NRXN1: variants seen among roughly 807,000 people sequenced by gnomAD.
NRXN1 encodes neurexin-1.
NRXN1 carries 39 observed loss-of-function variants against 150.9 expected under a neutral mutation model. The observed-to-expected ratio is 0.26, with a 90% CI of 0.20 to 0.34. The LOEUF is 0.34. NRXN1 is among the 10% of genes least tolerant of loss of function. The probability of loss-of-function intolerance (pLI) is 1.00; values close to 1 mark genes in which losing one functional copy is unlikely to be tolerated. For synonymous variants in NRXN1, 924 were observed against 757.0 expected (o/e 1.22, Z -3.62); for missense variants, 1,815 against 1,949.9 (o/e 0.93, Z 1.30).
intron 17 of NRXN1, among the ~76,000 whole-genome samples, chr2:50,322,813 A>C (rs528082592): frequency 6.6e-6 from 1 of 152,352 alleles, no homozygotes; most frequent in Admixed American, 6.5e-5. Context: ...AGTCCTAAAC[A>C]CAGTCTATTC....
intron 5 of NRXN1, among the ~76,000 whole-genome samples, chr2:50,630,539 T>A (rs994421142): frequency 1.3e-5 from 2 of 151,622 alleles, no homozygotes; most frequent in African/African-American, 4.8e-5. Context: ...CCGTACATCT[T>A]AAAGACAAGG....
At chr2:49,952,979 C>T (rs1006183898) in intron 21 of NRXN1, among the ~76,000 whole-genome samples, 1 of 152,084 alleles carries the variant, frequency 6.6e-6, no homozygotes, top group African/African-American at 2.4e-5. Context: ...GTCTTATTGA[C>T]ACAATGACCT....
chr2:50,153,521 T>G (rs1277362278), intron 18 of NRXN1, among the ~76,000 whole-genome samples: 1 of 151,760 alleles, frequency 6.6e-6, no homozygotes, highest in Non-Finnish European at 1.5e-5. Context: ...TTTGGGTTCT[T>G]CTGATTGTTG....
intron 21 of NRXN1, 146 bp from the exon 22 acceptor site, chr2:49,943,937 T>C: frequency 1.4e-6 from 1 of 703,874 alleles, no homozygotes; most frequent in East Asian, 2.7e-5. Flanking sequence ...GCTTACATTT[T>C]AGATCCTTCA....
chr2:50,461,894 G>A (rs182936167), intron 17 of NRXN1, among the ~76,000 whole-genome samples: 145 of 152,024 alleles, frequency 9.5e-4, no homozygotes, highest in African/African-American at 3.4e-3. Context: ...TTTCCAGGTG[G>A]GGAAATTAGC....
At chr2:50,688,587 C>T (rs1691599695) in intron 5 of NRXN1, among the ~76,000 whole-genome samples, 1 of 152,044 alleles carries the variant, frequency 6.6e-6, no homozygotes, top group African/African-American at 2.4e-5. Flanking sequence ...GTTTTTGCTG[C>T]AATCAGTAAG....
chr2:49,921,617 GCTGTAGTA>G lies in NRXN1; in HGVS notation c.*319_*326del, dbSNP rs1668211665. 3.9e-6 allele frequency: 1 copy of G among 258,558 alleles called. No individual in the cohort carries two copies. The highest frequency in any genetic ancestry group is 7.4e-6 in the Non-Finnish European group (1 of 134,674). 16.0% of individuals were successfully genotyped at this position (258,558 alleles called of 1,614,324 possible). ...GTTGGTTTTTGTGTTGTGCCTTGATGCTGTAGTACTCCTTTGCTTTATGAATGCGTGCG... is the reference window on the plus strand; with the variant it reads ...GTTGGTTTTTGTGTTGTGCCTTGATGCTCCTTTGCTTTATGAATGCGTGCG... On this transcript the variant is annotated 3_prime_UTR_variant, in exon 23 of 23. Coordinates refer to ENST00000401669, the MANE Select transcript of NRXN1 (RefSeq NM_001330078.2).
In NRXN1 at chr2:50,315,059, C is replaced by G. The variant is rs1038976715; in HGVS notation, c.3365-78089G>C. ...TTCTACCACTCACAGATAACCAGTT[C>G]GGTGTATATTCTTCTAGGTAATGCT... On this transcript the variant is annotated intron_variant, in intron 17 of 22. Coordinates refer to ENST00000401669, the MANE Select transcript of NRXN1 (RefSeq NM_001330078.2). 2.0e-5 allele frequency among the ~76,000 whole-genome samples: 3 copies of G among 151,884 alleles called. No individual in the cohort carries two copies. In the South Asian group the frequency reaches 6.2e-4, roughly 32 times the overall value.
chr2:50,175,566 C>T (rs1489437051), intron 18 of NRXN1, among the ~76,000 whole-genome samples: 1 of 151,442 alleles, frequency 6.6e-6, no homozygotes, highest in African/African-American at 2.4e-5. Context: ...TTATTATACA[C>T]AAAAGAATAT....
At chr2:50,273,680 T>C (rs1204985021) in intron 17 of NRXN1, among the ~76,000 whole-genome samples, 1 of 152,132 alleles carries the variant, frequency 6.6e-6, no homozygotes, top group East Asian at 1.9e-4. Flanking sequence ...ATAACCTTAA[T>C]ATTTATATAC....
intron 5 of NRXN1, among the ~76,000 whole-genome samples, chr2:50,896,565 G>C (rs748124117): frequency 5.9e-5 from 9 of 152,190 alleles, no homozygotes; most frequent in Non-Finnish European, 8.8e-5. Flanking sequence ...GTTCAGAATT[G>C]GCCAGGCGCA....
intron 21 of NRXN1, among the ~76,000 whole-genome samples, chr2:49,987,880 C>G (rs752784122): frequency 6.6e-6 from 1 of 151,294 alleles, no homozygotes; most frequent in Non-Finnish European, 1.5e-5. Context: ...ATTTTAAGGT[C>G]TAATCAATTT....
intron 5 of NRXN1, among the ~76,000 whole-genome samples, chr2:50,904,578 T>C (rs62140650): frequency 0.084 from 12,723 of 152,170 alleles, 588 homozygotes; most frequent in South Asian, 0.11. Context: ...AACTCTCCCA[T>C]TTACCAGTTG....
rs543110421 is a variant in NRXN1, at chr2:50,466,148, T to C, written c.3245-587A>G. On this transcript the variant is annotated intron_variant, in intron 16 of 22. Transcript: ENST00000401669. ...AAAACTCCATATAAATGGCATGCCC[T>C]CAATAAACATACAAGTAAAAAGAAT... Among the ~76,000 whole-genome samples, 17 of 151,774 alleles carry C rather than the reference T, an allele frequency of 1.1e-4. No homozygotes were observed. The East Asian group carries it at 3.3e-3, about 30-fold the overall frequency.
intron 17 of NRXN1, among the ~76,000 whole-genome samples, chr2:50,404,125 G>GTC (rs2103973418): frequency 6.6e-6 from 1 of 151,580 alleles, no homozygotes; most frequent in Non-Finnish European, 1.5e-5. Context: ...CCTCTGTTGT[G>GTC]TCTTCTTCCT....
chr2:50,128,616 T>G (rs1200836231), intron 18 of NRXN1, among the ~76,000 whole-genome samples: 1 of 152,116 alleles, frequency 6.6e-6, no homozygotes, highest in Non-Finnish European at 1.5e-5. Flanking sequence ...ACACATCTGA[T>G]GCTCAAAAAG....
At chr2:50,871,362 T>C (rs983451929) in intron 5 of NRXN1, among the ~76,000 whole-genome samples, 10 of 152,020 alleles carry the variant, frequency 6.6e-5, no homozygotes, top group East Asian at 3.9e-4. Context: ...CTGACAATTA[T>C]ATGATTTATC....
chr2:50,159,112 C>T lies in NRXN1; in HGVS notation c.3547-67618G>A, dbSNP rs192604522. Reference sequence around the variant, plus strand: ...TTGTTGTTGTTGTTTTAAAGTTAAACCAATATTCTATATACTTTTGCTGAA... The same window carrying T: ...TTGTTGTTGTTGTTTTAAAGTTAAATCAATATTCTATATACTTTTGCTGAA... On this transcript the variant is annotated intron_variant, in intron 18 of 22. Coordinates refer to ENST00000401669, the MANE Select transcript of NRXN1 (RefSeq NM_001330078.2). Among the ~76,000 whole-genome samples the T allele has an allele frequency of 2.0e-4, 30 of 152,058 alleles. 1 individual carries two copies. In the East Asian group the frequency reaches 5.8e-3, roughly 29 times the overall value.
intron 18 of NRXN1, among the ~76,000 whole-genome samples, chr2:50,136,250 A>G (rs1490397398): frequency 6.6e-6 from 1 of 152,224 alleles, no homozygotes; most frequent in Non-Finnish European, 1.5e-5. Flanking sequence ...ACTTACGCCA[A>G]GAGAAAAAAT....
Sources: allele counts gnomAD v4.1 joint callset (sites outside exome capture counted in the v4.1 genomes callset), GRCh38; gene constraint gnomAD v4.1.1; transcripts MANE v1.5; gene names NCBI Gene and HGNC (gene_info 2026-07-23, HGNC 2026-07-21).